THEM4: variants seen among roughly 807,000 people sequenced by gnomAD.
The protein encoded by THEM4 is acyl-coenzyme A thioesterase THEM4.
THEM4 carries 22 observed loss-of-function variants against 25.0 expected under a neutral mutation model. That is an observed-to-expected ratio of 0.88 (90% CI 0.63 to 1.26). THEM4 has a LOEUF of 1.26. Among genes scored for constraint, THEM4 ranks in the 50% most tolerant of loss-of-function variants. The probability of loss-of-function intolerance (pLI) is 0.00; values close to 1 mark genes in which losing one functional copy is unlikely to be tolerated. For missense variants in THEM4, 286 were observed against 300.3 expected (o/e 0.95, Z 0.35); for synonymous variants, 113 against 105.6 (o/e 1.07, Z -0.43).
At chr1:151,883,317 G>A (rs1240398548) in intron 4 of THEM4, among the ~76,000 whole-genome samples, 1 of 151,968 alleles carries the variant, frequency 6.6e-6, no homozygotes, top group African/African-American at 2.4e-5. Context: ...GTTTCACCAT[G>A]TTGGTCAGGC....
At chr1:151,885,784 G>A (rs1653954885) in intron 4 of THEM4, among the ~76,000 whole-genome samples, 1 of 152,170 alleles carries the variant, frequency 6.6e-6, no homozygotes, top group Admixed American at 6.5e-5. Context: ...AAATCAAGTG[G>A]GATATTTGGA....
chr1:151,907,665 A>G (rs1654501406), intron 1 of THEM4, among the ~76,000 whole-genome samples: 1 of 152,178 alleles, frequency 6.6e-6, no homozygotes, highest in Non-Finnish European at 1.5e-5. Context: ...CAGAAGGATG[A>G]GTGAAATGGG....
intron 2 of THEM4, chr1:151,889,998 C>G: frequency 4.5e-6 from 1 of 219,890 alleles, no homozygotes; most frequent in Non-Finnish European, 9.8e-6. Flanking sequence ...CCTCCGCCTC[C>G]CGGGTTCAAG....
intron 1 of THEM4, among the ~76,000 whole-genome samples, chr1:151,902,959 G>A (rs924862709): frequency 6.6e-6 from 1 of 152,158 alleles, no homozygotes; most frequent in Non-Finnish European, 1.5e-5. Context: ...CTGCACTCCA[G>A]TCCGGGCAAC....
chr1:151,894,693 T>G, intron 2 of THEM4: 2 of 518,060 alleles, frequency 3.9e-6, no homozygotes, highest in Non-Finnish European at 6.7e-6. Context: ...AAGGGTGAAA[T>G]GAGATTAGAT....
intron 4 of THEM4, among the ~76,000 whole-genome samples, chr1:151,883,731 C>A (rs1443025843): frequency 1.3e-5 from 2 of 151,182 alleles, no homozygotes; most frequent in Non-Finnish European, 2.9e-5. Context: ...CAGGTTCAAG[C>A]GATTCTCCTG....
intron 1 of THEM4, among the ~76,000 whole-genome samples, chr1:151,907,266 A>G (rs994567798): frequency 2.0e-5 from 3 of 152,202 alleles, no homozygotes; most frequent in African/African-American, 7.2e-5. Context: ...AACACATCCG[A>G]ACATCAGAAG....
intron 1 of THEM4, among the ~76,000 whole-genome samples, chr1:151,905,077 C>T (rs975122527): frequency 1.3e-4 from 19 of 149,866 alleles, no homozygotes; most frequent in African/African-American, 4.7e-4. Flanking sequence ...TTGTCCTGAA[C>T]AGAGGAAAGG....
intron 1 of THEM4, among the ~76,000 whole-genome samples, chr1:151,907,454 T>C (rs1017183788): frequency 6.6e-6 from 1 of 152,238 alleles, no homozygotes; most frequent in African/African-American, 2.4e-5. Flanking sequence ...CTCTGTATCC[T>C]TGCTTTCACG....
rs1341943127 is a variant in THEM4, at chr1:151,871,822, T to A, written c.*3066A>T. Among the ~76,000 whole-genome samples the A allele has an allele frequency of 6.6e-6, 1 of 152,226 alleles. No homozygotes were observed. Among genetic ancestry groups the A allele is most frequent in the Non-Finnish European group, 1.5e-5 (1 of 68,036 alleles). On this transcript the variant is annotated 3_prime_UTR_variant, in exon 6 of 6. Transcript: ENST00000368814. ...TGGAGGTCTGGTGTGCCATAGCAGT[T>A]CTGCAAGCCTGCCAGAGAAATCTAA...
At chr1:151,883,635 G>T (rs1284233734) in intron 4 of THEM4, among the ~76,000 whole-genome samples, 3 of 150,058 alleles carry the variant, frequency 2.0e-5, no homozygotes, top group Non-Finnish European at 1.5e-5. Flanking sequence ...GGATTTAATT[G>T]TGCATTTTTT....
At chr1:151,908,913 T>C (rs1654533924) in intron 1 of THEM4, among the ~76,000 whole-genome samples, 2 of 152,216 alleles carry the variant, frequency 1.3e-5, no homozygotes, top group Admixed American at 6.5e-5. Flanking sequence ...GTGATGTCTA[T>C]AAAAAGATCT....
rs1653558061 is a variant in THEM4, at chr1:151,871,734, C to T, written c.*3154G>A. ...AAAAGTGGATACGAAGGGAGGCAGGCATACTTAACATGAAGAAAACCTGGT... is the reference window on the plus strand; with the variant it reads ...AAAAGTGGATACGAAGGGAGGCAGGTATACTTAACATGAAGAAAACCTGGT... On this transcript the variant is annotated 3_prime_UTR_variant, in exon 6 of 6. Transcript: ENST00000368814. 6.6e-6 allele frequency among the ~76,000 whole-genome samples: 1 copy of T among 152,166 alleles called. No homozygotes were observed.
chr1:151,893,377 CAAAAACA>C (rs1307619232), intron 2 of THEM4, among the ~76,000 whole-genome samples: 2 of 131,142 alleles, frequency 1.5e-5, no homozygotes, highest in Non-Finnish European at 3.1e-5. Context: ...TTCTCAAAAC[CAAAAACA>C]AAAAAAACAA....
intron 2 of THEM4, among the ~76,000 whole-genome samples, chr1:151,892,397 C>T (rs1318332319): frequency 6.6e-6 from 1 of 152,104 alleles, no homozygotes; most frequent in Non-Finnish European, 1.5e-5. Flanking sequence ...TCACTAGTGG[C>T]TTCAATGAAG....
At chr1:151,906,363 T>C (rs1654466403) in intron 1 of THEM4, among the ~76,000 whole-genome samples, 1 of 152,256 alleles carries the variant, frequency 6.6e-6, no homozygotes, top group South Asian at 2.1e-4. Context: ...GGGCCTTACC[T>C]GCCTTCTGGC....
At chr1:151,877,192 T>A in intron 4 of THEM4, 67 bp from the exon 5 acceptor site, 1 of 1,495,710 alleles carries the variant, frequency 6.7e-7, no homozygotes, top group Non-Finnish European at 9.0e-7. Flanking sequence ...TAAAAGATGA[T>A]CAAGTACATG....
chr1:151,892,829 T>G (rs1444335544), intron 2 of THEM4, among the ~76,000 whole-genome samples: 1 of 152,008 alleles, frequency 6.6e-6, no homozygotes, highest in Non-Finnish European at 1.5e-5. Context: ...AGATTACCAA[T>G]GGAGTGTGGA....
At position 151,872,782 on chromosome 1, in the gene THEM4, G is replaced by T. The variant is rs2101712101; in HGVS notation, c.*2106C>A. Among the ~76,000 whole-genome samples, 1 of 152,174 alleles carries T rather than the reference G, an allele frequency of 6.6e-6. No homozygotes were observed. ...CATTCTCCATTCTCAATTAACCAGG[G>T]GCAAAATGCACTGTGGAAAGCCGCA... is the stretch of plus-strand genomic sequence containing the variant. On this transcript the variant is annotated 3_prime_UTR_variant, in exon 6 of 6. Transcript: ENST00000368814.
Sources: allele counts gnomAD v4.1 joint callset (sites outside exome capture counted in the v4.1 genomes callset), GRCh38; gene constraint gnomAD v4.1.1; transcripts MANE v1.5; gene names NCBI Gene and HGNC (gene_info 2026-07-23, HGNC 2026-07-21).